Variants in RALGAPA1 observed in about 807,000 individuals in gnomAD.
RALGAPA1 encodes ral GTPase-activating protein subunit alpha-1.
A neutral mutation model predicts 269.6 loss-of-function variants in RALGAPA1; 52 were observed. The ratio of observed to expected loss-of-function variants is 0.19; its 90% CI spans 0.15 to 0.24. The LOEUF is 0.24. RALGAPA1 is among the 10% of genes least tolerant of loss of function. The pLI is 1.00. For synonymous variants in RALGAPA1, 817 were observed against 1,008.3 expected (o/e 0.81, Z 3.60); for missense variants, 1,917 against 3,013.9 (o/e 0.64, Z 8.52).
chr14:35,713,137 AC>A (rs1218395993), intron 16 of RALGAPA1, among the ~76,000 whole-genome samples: 1 of 152,334 alleles, frequency 6.6e-6, no homozygotes, highest in South Asian at 2.1e-4. Flanking sequence ...AAGGTAGAAA[AC>A]GGATCTGGAG....
In RALGAPA1 at chr14:35,742,512, T is replaced by C. The variant is rs200368277; in HGVS notation, c.1305A>G (p.Val435=). ...CCTCTTGTTGGATCCATTCTTGATA[T>C]ACTTTTACCACTTTTCTCATAGCTG... The part of the protein sequence containing the change: ...EAAAMRKVVK[V]YQEWIQQEEK... Residue 435 remains valine, a synonymous_variant, in exon 11 of 42, where the codon GTA becomes GTG. Coordinates refer to ENST00000680220, the MANE Select transcript of RALGAPA1 (RefSeq NM_001346249.2). 3 of 1,608,012 alleles carry C rather than the reference T, an allele frequency of 1.9e-6. No individual in the cohort carries two copies. Among genetic ancestry groups the C allele is most frequent in the Non-Finnish European group, 2.6e-6 (3 of 1,175,288 alleles).
At chr14:35,776,844 G>A (rs950326205) in intron 1 of RALGAPA1, among the ~76,000 whole-genome samples, 10 of 151,944 alleles carry the variant, frequency 6.6e-5, no homozygotes, top group Non-Finnish European at 1.2e-4. Flanking sequence ...CGTTGTGCAC[G>A]TGTACCCTAG....
At chr14:35,798,822 CTACTAAAAA>C (rs2076759119) in intron 1 of RALGAPA1, among the ~76,000 whole-genome samples, 1 of 151,946 alleles carries the variant, frequency 6.6e-6, no homozygotes, top group Non-Finnish European at 1.5e-5. Flanking sequence ...AAACCCATCT[CTACTAAAAA>C]TACTAAAAAA....
At chr14:35,586,108 T>C (rs1298287334) in intron 37 of RALGAPA1, among the ~76,000 whole-genome samples, 5 of 152,354 alleles carry the variant, frequency 3.3e-5, no homozygotes, top group South Asian at 4.1e-4. Context: ...TCTATTTGTT[T>C]GTGTCCTCTT....
chr14:35,620,464 C>T (rs1319311236), intron 35 of RALGAPA1, among the ~76,000 whole-genome samples: 2 of 152,014 alleles, frequency 1.3e-5, no homozygotes, highest in Non-Finnish European at 2.9e-5. Flanking sequence ...GACAAGGATG[C>T]CCTCTCTCAC....
intron 35 of RALGAPA1, among the ~76,000 whole-genome samples, chr14:35,618,202 T>A (rs188440263): frequency 6.6e-6 from 1 of 152,228 alleles, no homozygotes; most frequent in Non-Finnish European, 1.5e-5. Flanking sequence ...AACTACATAA[T>A]CTGCTAATAG....
chr14:35,720,167 A>G (rs1205390311), intron 16 of RALGAPA1, among the ~76,000 whole-genome samples: 1 of 152,206 alleles, frequency 6.6e-6, no homozygotes, highest in Non-Finnish European at 1.5e-5. Flanking sequence ...TTATAGTAAA[A>G]TTCCCATTAT....
chr14:35,627,632 T>C lies in RALGAPA1; in HGVS notation c.6315A>G (p.Val2105=). Residue 2105 remains valine (V), a synonymous_variant, in exon 34 of 42, where the codon GTA becomes GTG. Transcript: ENST00000680220. ...ATGAATATTTTCCAGAGAGATCACG[T>C]ACTATGATTCTGACATTTGAATTGG... ...ASANSNVRII[V]RDLSGKYSWD... 6.3e-7 allele frequency: 1 copy of C among 1,589,804 alleles called. No individual in the cohort carries two copies. Among genetic ancestry groups the C allele is most frequent in the Non-Finnish European group, 8.6e-7 (1 of 1,166,922 alleles).
rs56861116 is a variant in RALGAPA1, at chr14:35,748,833, CAA to C, written c.1012-11_1012-10del. The C allele has an allele frequency of 0.013, 16,422 of 1,242,876 alleles. 3 individuals are homozygous for C. The highest frequency in any genetic ancestry group is 0.036 in the South Asian group (1,891 of 53,244). The allele number at this position is 1,242,876 out of a possible 1,614,324, so 77.0% of individuals were successfully genotyped here. A position where few individuals can be genotyped will look rare whatever the true frequency, so the allele number is the denominator to read the frequency against. The stretch of plus-strand genomic sequence containing the variant: ...AAACTAGCAGCTGCTCTCTAAAATA[CAA>C]AAAAAAAAAAAAAAGAGAGAAACAA... On this transcript the variant is annotated splice_polypyrimidine_tract_variant and intron_variant, in intron 9 of 41. Transcript: ENST00000680220.
At chr14:35,760,779 C>A (rs535022034) in intron 6 of RALGAPA1, 50 bp downstream of exon 6, 3 of 1,375,266 alleles carry the variant, frequency 2.2e-6, no homozygotes, top group Non-Finnish European at 3.1e-6. Context: ...CACTAAGAGA[C>A]TACATAGAGA....
At chr14:35,670,009 G>C (rs912919494) in intron 26 of RALGAPA1, among the ~76,000 whole-genome samples, 1 of 152,160 alleles carries the variant, frequency 6.6e-6, no homozygotes, top group African/African-American at 2.4e-5. Flanking sequence ...TGTTCTCAGG[G>C]AACTGGAAAA....
chr14:35,800,757 C>A (rs919708478), intron 1 of RALGAPA1, among the ~76,000 whole-genome samples: 1 of 152,210 alleles, frequency 6.6e-6, no homozygotes, highest in Admixed American at 6.5e-5. Flanking sequence ...GTAATCCCAG[C>A]ACTTTGGGAG....
chr14:35,550,589 G>A (rs2054905863), intron 39 of RALGAPA1, among the ~76,000 whole-genome samples: 1 of 151,968 alleles, frequency 6.6e-6, no homozygotes, highest in Non-Finnish European at 1.5e-5. Context: ...ATATTTACAA[G>A]TTCACTGAGT....
rs144281920 is a variant in RALGAPA1 at position 35,576,751 on chromosome 14, A to T, written c.7210-4033T>A. On this transcript the variant is annotated intron_variant, in intron 37 of 41. Coordinates refer to ENST00000680220, the MANE Select transcript of RALGAPA1 (RefSeq NM_001346249.2). ...TTTTACAGGAGAGGAATTGAAGCTT[A>T]AAAGGATGAAGTAACTCGCCTAAGG... 4.8e-3 allele frequency among the ~76,000 whole-genome samples: 724 copies of T among 152,342 alleles called. 7 individuals are homozygous for T. The highest frequency in any genetic ancestry group is 0.016 in the African/African-American group (670 of 41,578).
intron 4 of RALGAPA1, among the ~76,000 whole-genome samples, chr14:35,763,885 A>G (rs1254690417): frequency 6.6e-6 from 1 of 152,118 alleles, no homozygotes; most frequent in African/African-American, 2.4e-5. Flanking sequence ...TAACAGTACT[A>G]CCAGCCGTAT....
intron 4 of RALGAPA1, chr14:35,766,102 G>A: frequency 6.4e-6 from 7 of 1,090,868 alleles, no homozygotes; most frequent in Non-Finnish European, 9.9e-6. Flanking sequence ...GCGGCTTTAG[G>A]ATCAGATACT....
intron 37 of RALGAPA1, among the ~76,000 whole-genome samples, chr14:35,588,765 A>C (rs768926289): frequency 2.6e-5 from 4 of 152,232 alleles, no homozygotes; most frequent in African/African-American, 4.8e-5. Context: ...ATATATCCAG[A>C]GAAAATGAAA....
chr14:35,656,113 A>G (rs1055883136), intron 28 of RALGAPA1, among the ~76,000 whole-genome samples, 198 bp from the exon 29 acceptor site: 2 of 152,178 alleles, frequency 1.3e-5, no homozygotes, highest in East Asian at 3.8e-4. Flanking sequence ...CTAATTTTCT[A>G]TTATAATTTA....
At chr14:35,690,805 C>G (rs1003875451) in intron 17 of RALGAPA1, among the ~76,000 whole-genome samples, 12 of 152,082 alleles carry the variant, frequency 7.9e-5, no homozygotes, top group South Asian at 2.1e-4. Context: ...CGCGGTGGCT[C>G]ACACCTATAA....
Sources: allele counts gnomAD v4.1 joint callset (sites outside exome capture counted in the v4.1 genomes callset), GRCh38; gene constraint gnomAD v4.1.1; transcripts MANE v1.5; gene names NCBI Gene and HGNC (gene_info 2026-07-23, HGNC 2026-07-21).